Variants in EFCAB8 observed in about 807,000 individuals in gnomAD.
EFCAB8 encodes EF-hand calcium binding domain 8, also known as EF-hand calcium-binding domain-containing protein 8.
Under a neutral mutation model 116.3 loss-of-function variants are expected in EFCAB8, and 100 were observed. That is an observed-to-expected ratio of 0.86 (90% CI 0.73 to 1.02). The LOEUF (loss-of-function observed/expected upper bound fraction) is 1.02. EFCAB8 is among the 50% of genes least tolerant of loss of function. The pLI is 0.00. For synonymous variants in EFCAB8, 558 were observed against 567.9 expected (o/e 0.98, Z 0.25); for missense variants, 1,320 against 1,416.9 (o/e 0.93, Z 1.10).
At chr20:32,878,610 C>T (rs1234701139) in intron 4 of EFCAB8, 94 bp from the exon 5 acceptor site, 16 of 971,658 alleles carry the variant, frequency 1.6e-5, no homozygotes, top group Non-Finnish European at 1.7e-5. Flanking sequence ...CTCCGCTTCC[C>T]GGGTTCACGC....
chr20:32,901,039 A>G (rs1986403230), intron 11 of EFCAB8, among the ~76,000 whole-genome samples: 1 of 152,166 alleles, frequency 6.6e-6, no homozygotes. Flanking sequence ...CACTGTGTAC[A>G]TTTCTAGACA....
chr20:32,859,155 C>A (rs1983972459), intron 1 of EFCAB8, 149 bp downstream of exon 1: 1 of 409,172 alleles, frequency 2.4e-6, no homozygotes, highest in South Asian at 1.9e-5. Flanking sequence ...TCTGCCTCTA[C>A]AAATTCGTAC....
intron 3 of EFCAB8, among the ~76,000 whole-genome samples, chr20:32,874,398 A>T (rs36036005): frequency 3.6e-4 from 54 of 151,446 alleles, no homozygotes; most frequent in African/African-American, 6.8e-4. Flanking sequence ...AATTTAAAAA[A>T]TTTTTTTTGT....
At chr20:32,892,982 T>C (rs2002257) in intron 8 of EFCAB8, among the ~76,000 whole-genome samples, 192 bp from the exon 9 acceptor site, 92,050 of 151,718 alleles carry the variant, frequency 0.61, 29,096 homozygotes, top group Middle Eastern at 0.78. Flanking sequence ...CTGGGATTAC[T>C]GGTGCCCGCC....
At chr20:32,873,993 T>C (rs938168589) in intron 3 of EFCAB8, among the ~76,000 whole-genome samples, 1 of 151,810 alleles carries the variant, frequency 6.6e-6, no homozygotes, top group East Asian at 1.9e-4. Flanking sequence ...AAATCTCTGC[T>C]CACTGCAACC....
rs1047325292 is a variant in EFCAB8, at chr20:32,875,980, C to T, written c.263C>T (p.Ser88Leu). 1.6e-5 allele frequency: 25 copies of T among 1,552,016 alleles called. No homozygotes were observed. The highest frequency in any genetic ancestry group is 4.9e-5 in the East Asian group (2 of 40,922). ...KAMKKVLSSV[S>L]DEMLKELFLK... ...ATGAAGAAGGTTCTGAGCAGTGTGT[C>T]GGACGAGATGCTAAAGGAGCTGTTT... Residue 88 changes from serine to leucine, a missense_variant, in exon 4 of 27, where the codon TCG (serine) becomes TTG (leucine). Transcript: ENST00000400522.
intron 5 of EFCAB8, among the ~76,000 whole-genome samples, chr20:32,881,055 A>G (rs1268036932): frequency 6.6e-6 from 1 of 152,226 alleles, no homozygotes; most frequent in Non-Finnish European, 1.5e-5. Flanking sequence ...ATCATAGTAT[A>G]TGAATGTCTC....
chr20:32,866,513 G>A (rs1984408448), intron 2 of EFCAB8, among the ~76,000 whole-genome samples: 1 of 151,978 alleles, frequency 6.6e-6, no homozygotes, highest in African/African-American at 2.4e-5. Flanking sequence ...GAGGCCTGGA[G>A]GGGTGGGGAA....
chr20:32,910,154 A>T (rs999651834), intron 15 of EFCAB8, among the ~76,000 whole-genome samples: 1 of 152,160 alleles, frequency 6.6e-6, no homozygotes, highest in Non-Finnish European at 1.5e-5. Context: ...TAGCCATGGG[A>T]TCGCCTAACT....
intron 23 of EFCAB8, among the ~76,000 whole-genome samples, chr20:32,955,444 G>A (rs888194323): frequency 6.6e-6 from 1 of 152,180 alleles, no homozygotes. Flanking sequence ...GGAGGCTGAG[G>A]CAGGAGGATC....
At chr20:32,954,908 C>A (rs557312763) in intron 23 of EFCAB8, among the ~76,000 whole-genome samples, 1 of 152,190 alleles carries the variant, frequency 6.6e-6, no homozygotes, top group East Asian at 1.9e-4. Flanking sequence ...ATGTATTATT[C>A]TTTTAATATA....
At chr20:32,955,682 C>G (rs1988944959) in intron 23 of EFCAB8, among the ~76,000 whole-genome samples, 1 of 152,198 alleles carries the variant, frequency 6.6e-6, no homozygotes, top group Admixed American at 6.5e-5. Context: ...GGAGCCTTCC[C>G]CACCTCCAAA....
chr20:32,913,452 C>T (rs778678286), intron 17 of EFCAB8, among the ~76,000 whole-genome samples: 2 of 152,278 alleles, frequency 1.3e-5, no homozygotes, highest in Admixed American at 6.5e-5. Flanking sequence ...TTAGGGATTA[C>T]GTTTCAATAT....
chr20:32,933,432 A>T (rs1259305493), intron 22 of EFCAB8, among the ~76,000 whole-genome samples: 1 of 152,236 alleles, frequency 6.6e-6, no homozygotes, highest in African/African-American at 2.4e-5. Context: ...AATCAAGCCA[A>T]TTAACATATC....
At chr20:32,902,743 C>T (rs1986487945) in intron 11 of EFCAB8, among the ~76,000 whole-genome samples, 1 of 152,236 alleles carries the variant, frequency 6.6e-6, no homozygotes, top group African/African-American at 2.4e-5. Context: ...TGGGGCCTGG[C>T]ATTGGCACCC....
At chr20:32,937,328 T>A (rs1988161010) in intron 22 of EFCAB8, among the ~76,000 whole-genome samples, 1 of 152,146 alleles carries the variant, frequency 6.6e-6, no homozygotes, top group Non-Finnish European at 1.5e-5. Flanking sequence ...TTTCACCTTA[T>A]GGAGTTACAA....
At chr20:32,896,572 T>TAC (rs747561210) in intron 10 of EFCAB8, 45 bp downstream of exon 10, 4 of 715,894 alleles carry the variant, frequency 5.6e-6, no homozygotes, top group South Asian at 3.0e-5. Flanking sequence ...TAATTATCTG[T>TAC]ACACACACAC....
At chr20:32,879,595 A>G (rs985841030) in intron 5 of EFCAB8, among the ~76,000 whole-genome samples, 4 of 152,188 alleles carry the variant, frequency 2.6e-5, no homozygotes, top group Admixed American at 6.5e-5. Context: ...CCTAAGAAAC[A>G]GATAACCTGA....
At chr20:32,876,758 G>C (rs1984997664) in intron 4 of EFCAB8, among the ~76,000 whole-genome samples, 1 of 152,128 alleles carries the variant, frequency 6.6e-6, no homozygotes, top group Non-Finnish European at 1.5e-5. Flanking sequence ...CTTGAGCTCA[G>C]GAGTTCAAGA....
Sources: gnomAD v4.1 joint callset for allele counts (sites outside exome capture counted in the v4.1 genomes callset) on GRCh38, gnomAD v4.1.1 for gene constraint, MANE v1.5 for transcripts, NCBI Gene and HGNC (gene_info 2026-07-23, HGNC 2026-07-21) for gene names.